The following CTCFL variants were observed in gnomAD, a reference collection of about 807,000 sequenced individuals.
CTCFL encodes transcriptional repressor CTCFL.
In CTCFL, 36 loss-of-function variants were observed where a neutral mutation model predicts 67.4. That is an observed-to-expected ratio of 0.53 (90% CI 0.41 to 0.71). The LOEUF is 0.71. Ranked by LOEUF, CTCFL falls within the 30% of genes least tolerant of loss-of-function variation. The pLI is 0.00. For synonymous variants in CTCFL, 324 were observed against 302.3 expected (o/e 1.07, Z -0.75); for missense variants, 786 against 835.2 (o/e 0.94, Z 0.73).
At chr20:57,519,478 T>A in intron 3 of CTCFL, 101 bp from the exon 4 acceptor site, 1 of 976,534 alleles carries the variant, frequency 1.0e-6, no homozygotes, top group African/African-American at 1.6e-5. Flanking sequence ...ACGTGGGAAC[T>A]GAACAATAGC....
chr20:57,501,595 A>T (rs1035716010), intron 10 of CTCFL, among the ~76,000 whole-genome samples: 1 of 152,176 alleles, frequency 6.6e-6, no homozygotes, highest in Non-Finnish European at 1.5e-5. Context: ...TCAGTGAGAC[A>T]CTGGTTTTTC....
chr20:57,498,040 A>AT lies in CTCFL; in HGVS notation c.*509dup. 1.1e-6 allele frequency: 1 copy of AT among 899,220 alleles called. No individual in the cohort carries two copies. The highest frequency in any genetic ancestry group is 1.3e-6 in the Non-Finnish European group (1 of 751,398). The allele number at this position is 899,220 out of a possible 1,614,324, so 55.7% of individuals were successfully genotyped here. On this transcript the variant is annotated 3_prime_UTR_variant, in exon 11 of 11. Transcript: ENST00000243914. ...TAAATTTTGTAGAAAATTCATTTGT[A>AT]TAAAAACATTTGTCTTTAATGTTTA...
rs761500353 is a variant in CTCFL, at chr20:57,523,800, T to C, written c.406A>G (p.Ile136Val). The change falls in exon 2 of 11, where the codon ATT becomes GTT. Residue 136 changes from isoleucine to valine, a missense_variant. Physicochemically the swap from Ile to Val is conservative, Grantham distance 29 (BLOSUM62 3). This residue lies in a region of CTCFL where 333 missense variants were observed against 304.6 expected (regional missense o/e 1.09). Coordinates refer to ENST00000243914, the MANE Select transcript of CTCFL (RefSeq NM_001386993.1). Reference sequence around the variant, plus strand: ...GAGTACAGCTCTTGCTGGATACTAATGGCCACACACTGCTGCAGGCTCTGC... The same window carrying C: ...GAGTACAGCTCTTGCTGGATACTAACGGCCACACACTGCTGCAGGCTCTGC... Reference protein sequence around the residue: ...PRQSLQQCVAISIQQELYSPQ... With the variant: ...PRQSLQQCVAVSIQQELYSPQ... 9.7e-5 allele frequency: 157 copies of C among 1,613,124 alleles called. No homozygotes were observed. Among genetic ancestry groups the C allele is most frequent in the Non-Finnish European group, 1.2e-4 (138 of 1,180,046 alleles).
At chr20:57,517,565 A>AC (rs2069017168) in intron 5 of CTCFL, among the ~76,000 whole-genome samples, 1 of 152,146 alleles carries the variant, frequency 6.6e-6, no homozygotes, top group African/African-American at 2.4e-5. Flanking sequence ...GGCGTGAGCC[A>AC]CCGCGCCCGG....
At chr20:57,508,946 CT>C (rs1568860863) in intron 8 of CTCFL, among the ~76,000 whole-genome samples, 158 bp from the exon 9 acceptor site, 1 of 152,206 alleles carries the variant, frequency 6.6e-6, no homozygotes, top group African/African-American at 2.4e-5. Flanking sequence ...GCAGCATTCA[CT>C]CTCAGTAAGT....
In CTCFL at chr20:57,497,887, G is replaced by A. The variant is rs762392302; in HGVS notation, c.*663C>T. 9.3e-6 allele frequency: 9 copies of A among 969,502 alleles called. No homozygotes were observed. The highest frequency in any genetic ancestry group is 1.1e-5 in the Non-Finnish European group (9 of 815,668). The allele number at this position is 969,502 out of a possible 1,614,324, so 60.1% of individuals were successfully genotyped here. On this transcript the variant is annotated 3_prime_UTR_variant, in exon 11 of 11. Coordinates refer to ENST00000243914, the MANE Select transcript of CTCFL (RefSeq NM_001386993.1). ...AGGTGAACCTTGCTCCTATACCAAA[G>A]TAAAATCGATTTATTCCTTATTTTC...
rs2067747572 is a variant in CTCFL at position 57,497,838 on chromosome 20, T to C, written c.*712A>G. On this transcript the variant is annotated 3_prime_UTR_variant, in exon 11 of 11. Coordinates refer to ENST00000243914, the MANE Select transcript of CTCFL (RefSeq NM_001386993.1). ...ATTTCATACCTGCCAAGGAGCATAATTAAAAGAGAATACAAAAATCTAAAG... is the reference window on the plus strand; with the variant it reads ...ATTTCATACCTGCCAAGGAGCATAACTAAAAGAGAATACAAAAATCTAAAG... 1.0e-6 allele frequency: 1 copy of C among 985,062 alleles called. No homozygotes were observed. The highest frequency in any genetic ancestry group is 1.7e-5 in the African/African-American group (1 of 57,204). 61.0% of individuals were successfully genotyped at this position (985,062 alleles called of 1,614,324 possible).
At position 57,523,153 on chromosome 20, in the gene CTCFL, A is replaced by G; in HGVS notation, c.669T>C (p.Asn223=). ...TAGGTTGATCCTCTTGTTCTTCCAC[A>G]TTTGAATTTGAAACTGTGAGAACAA... The part of the protein sequence containing the change: ...DEIVLTVSNS[N]VEEQEDQPTA... The change falls in exon 3 of 11, where the codon AAT becomes AAC. Residue 223 remains asparagine, a synonymous_variant. Coordinates refer to ENST00000243914, the MANE Select transcript of CTCFL (RefSeq NM_001386993.1). 6.2e-7 allele frequency: 1 copy of G among 1,614,020 alleles called. No individual in the cohort carries two copies. The highest frequency in any genetic ancestry group is 8.5e-7 in the Non-Finnish European group (1 of 1,180,014).
intron 10 of CTCFL, 136 bp from the exon 11 acceptor site, chr20:57,498,837 G>T: frequency 1.3e-6 from 1 of 742,912 alleles, no homozygotes; most frequent in African/African-American, 1.7e-5. Flanking sequence ...CAATCTAATT[G>T]ATAAGATGGT....
chr20:57,523,549 T>C, intron 2 of CTCFL, 114 bp downstream of exon 2: 1 of 1,400,220 alleles, frequency 7.1e-7, no homozygotes, highest in Non-Finnish European at 9.6e-7. Context: ...GAAGTATTTG[T>C]ACTGTCTTTA....
At chr20:57,507,637 A>G in intron 9 of CTCFL, 1 of 703,008 alleles carries the variant, frequency 1.4e-6, no homozygotes, top group Non-Finnish European at 2.6e-6. Context: ...CGGTGCCAGC[A>G]GTTGTGTGGC....
intron 2 of CTCFL, 69 bp from the exon 3 acceptor site, chr20:57,523,347 A>AACTACT: frequency 7.1e-7 from 1 of 1,402,614 alleles, no homozygotes. Flanking sequence ...GCCTGGATGA[A>AACTACT]GCACAGAATA....
intron 10 of CTCFL, chr20:57,500,208 T>G: frequency 9.7e-7 from 1 of 1,028,386 alleles, no homozygotes; most frequent in Non-Finnish European, 1.2e-6. Flanking sequence ...CTCATGCCTG[T>G]AATCCCACCA....
In CTCFL at chr20:57,523,705, A is replaced by T. The variant is rs1276332886; in HGVS notation, c.501T>A (p.Ser167Arg). The T allele has an allele frequency of 6.2e-7, 1 of 1,613,470 alleles. No individual in the cohort carries two copies. The highest frequency in any genetic ancestry group is 2.2e-5 in the East Asian group (1 of 44,880). The change falls in exon 2 of 11, where the codon AGT (serine) becomes AGA (arginine). Residue 167 changes from serine to arginine, a missense_variant. Coordinates refer to ENST00000243914, the MANE Select transcript of CTCFL (RefSeq NM_001386993.1). The part of the protein sequence containing the change: ...EENVMVASED[S>R]KLAVSLAETT... ...TTTCAGCCAGGCTCACCGCTAACTT[A>T]CTGTCTTCACTGGCCACCATCACAT...
chr20:57,496,264 G>T (rs761857962), downstream of CTCFL: 2 of 687,454 alleles, frequency 2.9e-6, no homozygotes, highest in South Asian at 1.6e-5. Flanking sequence ...CATGTGACGC[G>T]CCTACTCCCT....
chr20:57,523,772 G>A lies in CTCFL; in HGVS notation c.434C>T (p.Pro145Leu), dbSNP rs964122618. The A allele has an allele frequency of 4.3e-6, 7 of 1,613,328 alleles. No individual in the cohort carries two copies. The highest frequency in any genetic ancestry group is 2.2e-5 in the East Asian group (1 of 44,880). ...GAACTGCAACACCTCCATCTCTTGC[G>A]GGGAGTACAGCTCTTGCTGGATACT... ...AISIQQELYS[P>L]QEMEVLQFHA... The change falls in exon 2 of 11, where the codon CCG becomes CTG. Residue 145 changes from proline (P) to leucine (L), a missense_variant. Coordinates refer to ENST00000243914, the MANE Select transcript of CTCFL (RefSeq NM_001386993.1).
At chr20:57,510,097 G>A (rs2068454655) in intron 8 of CTCFL, among the ~76,000 whole-genome samples, 2 of 152,160 alleles carry the variant, frequency 1.3e-5, no homozygotes, top group Admixed American at 1.3e-4. Context: ...CTTATTCAAA[G>A]CATTTACAGT....
intron 9 of CTCFL, among the ~76,000 whole-genome samples, chr20:57,508,268 C>T (rs895685980): frequency 6.6e-6 from 1 of 152,120 alleles, no homozygotes. Context: ...AAACTGCATT[C>T]TCTCTGTCAA....
chr20:57,515,755 C>T lies in CTCFL; in HGVS notation c.1139G>A (p.Arg380Lys), dbSNP rs2068871999. 1.2e-6 allele frequency: 2 copies of T among 1,614,148 alleles called. No individual in the cohort carries two copies. The highest frequency in any genetic ancestry group is 1.7e-6 in the Non-Finnish European group (2 of 1,180,030). ...FQCCQCSYAS[R>K]DTYKLKRHMR... is the part of the protein sequence containing the mutation. ...GTGGCGTTTCAGCTTGTAGGTATCT[C>T]TGCTGGCATAGCTGCACTGGCAACA... Residue 380 changes from arginine to lysine, a missense_variant, in exon 6 of 11, where the codon AGA (arginine) becomes AAA (lysine). Around this residue, in one of 3 missense-constraint regions of CTCFL, gnomAD observed 254 missense variants for 333.9 expected, o/e 0.76. Coordinates refer to ENST00000243914, the MANE Select transcript of CTCFL (RefSeq NM_001386993.1).
Sources: gnomAD v4.1 joint callset for allele counts (sites outside exome capture counted in the v4.1 genomes callset) on GRCh38, gnomAD v4.1.1 for gene constraint, gnomAD v4.1.1 regional missense constraint, MANE v1.5 for transcripts, NCBI Gene and HGNC (gene_info 2026-07-23, HGNC 2026-07-21) for gene names.